The following MDGA2 variants were observed in gnomAD, a reference collection of about 807,000 sequenced individuals.
The protein encoded by MDGA2 is MAM domain-containing glycosylphosphatidylinositol anchor protein 2.
A neutral mutation model predicts 117.8 loss-of-function variants in MDGA2; 40 were observed. The observed-to-expected ratio is 0.34, with a 90% CI of 0.26 to 0.44. The LOEUF (loss-of-function observed/expected upper bound fraction) is 0.44. MDGA2 is among the 20% of genes least tolerant of loss of function. MDGA2 has a pLI of 1.00. For missense variants in MDGA2, 1,123 were observed against 1,250.6 expected, an observed-to-expected ratio of 0.90 and a Z score of 1.54; for synonymous variants, 452 against 439.0, an observed-to-expected ratio of 1.03 and a Z score of -0.37.
intron 1 of MDGA2, among the ~76,000 whole-genome samples, chr14:47,426,711 T>A (rs182570918): frequency 6.7e-6 from 1 of 148,402 alleles, no homozygotes; most frequent in Non-Finnish European, 1.5e-5. Context: ...TATATATATA[T>A]ACATATATGT....
intron 1 of MDGA2, among the ~76,000 whole-genome samples, chr14:47,503,243 T>A (rs1044195075): frequency 3.9e-5 from 6 of 151,974 alleles, no homozygotes; most frequent in African/African-American, 1.5e-4. Flanking sequence ...TATAGCTGGG[T>A]TCCATGTCCA....
chr14:46,930,054 TGTAA>T (rs1884507363), intron 9 of MDGA2, among the ~76,000 whole-genome samples: 1 of 152,022 alleles, frequency 6.6e-6, no homozygotes, highest in Non-Finnish European at 1.5e-5. Context: ...TCATTCCAAT[TGTAA>T]GTATTAATTT....
chr14:47,353,469 T>C (rs548317646), intron 1 of MDGA2, among the ~76,000 whole-genome samples: 1 of 152,310 alleles, frequency 6.6e-6, no homozygotes, highest in South Asian at 2.1e-4. Flanking sequence ...TTGTGTTCTC[T>C]CAAAATTTGT....
At chr14:46,899,078 G>A (rs1883187948) in intron 10 of MDGA2, among the ~76,000 whole-genome samples, 1 of 151,930 alleles carries the variant, frequency 6.6e-6, no homozygotes, top group East Asian at 1.9e-4. Context: ...GTCACAAACA[G>A]GAAATAGGTT....
chr14:47,107,068 C>T (rs1594628334), intron 5 of MDGA2, among the ~76,000 whole-genome samples: 1 of 132,160 alleles, frequency 7.6e-6, no homozygotes, highest in South Asian at 2.3e-4. Flanking sequence ...ATCCCCCCAC[C>T]TTAACCCACA....
Position 47,194,049 on chromosome 14 carries a change from A to C in MDGA2, c.595+23972T>G, listed in dbSNP as rs144851550. ...AGCACTATAACTCAAAGAGGTGTTT[A>C]AGAAATGTTTCCATGTATTTCCCAT... On this transcript the variant is annotated intron_variant, in intron 3 of 16. Transcript: ENST00000399232. 4.1e-3 allele frequency among the ~76,000 whole-genome samples: 629 copies of C among 152,304 alleles called. 4 individuals carry two copies. Among genetic ancestry groups the C allele is most frequent in the African/African-American group, 0.014 (592 of 41,576 alleles).
intron 1 of MDGA2, 29 bp from the exon 2 acceptor site, chr14:47,301,579 A>C: frequency 6.4e-7 from 1 of 1,551,154 alleles, no homozygotes; most frequent in Non-Finnish European, 8.7e-7. Context: ...GAGAGACAAG[A>C]TACATGAAAA....
At chr14:47,403,369 T>A (rs942170231) in intron 1 of MDGA2, among the ~76,000 whole-genome samples, 3 of 152,200 alleles carry the variant, frequency 2.0e-5, no homozygotes, top group Non-Finnish European at 2.9e-5. Context: ...GTCCATTCCT[T>A]ATCAGTCTTC....
chr14:46,958,204 A>G (rs534849789), intron 8 of MDGA2, among the ~76,000 whole-genome samples: 1 of 152,298 alleles, frequency 6.6e-6, no homozygotes, highest in South Asian at 2.1e-4. Flanking sequence ...TGTGTCTTCC[A>G]GAATGTATAG....
chr14:47,615,842 T>C (rs1449870633), intron 1 of MDGA2, among the ~76,000 whole-genome samples: 4 of 152,132 alleles, frequency 2.6e-5, no homozygotes, highest in African/African-American at 9.7e-5. Context: ...GGATGCCTGA[T>C]ACTGACCCCA....
In MDGA2 at chr14:47,412,053, T is replaced by A. The variant is rs571695227; in HGVS notation, c.281-110503A>T. On this transcript the variant is annotated intron_variant, in intron 1 of 16. Coordinates refer to ENST00000399232, the MANE Select transcript of MDGA2 (RefSeq NM_001113498.3). ...AACCCAGTGAAGTCTAGCACCCATT[T>A]AGTTTGGTAATATTTTTTGGAAAGA... is the stretch of plus-strand genomic sequence containing the variant. 1.8e-4 allele frequency among the ~76,000 whole-genome samples: 27 copies of A among 152,324 alleles called. 1 individual carries two copies. The South Asian group carries it at 5.6e-3, about 32-fold the overall frequency.
intron 1 of MDGA2, among the ~76,000 whole-genome samples, chr14:47,647,438 A>T (rs1335539325): frequency 6.6e-6 from 1 of 152,132 alleles, no homozygotes; most frequent in Admixed American, 6.5e-5. Flanking sequence ...AGGCAAAAAA[A>T]AAATGATAAT....
At chr14:47,128,840 G>A (rs111592835) in intron 5 of MDGA2, among the ~76,000 whole-genome samples, 17,053 of 151,288 alleles carry the variant, frequency 0.11, 1,089 homozygotes, top group Admixed American at 0.12. Context: ...GACTACAGTC[G>A]CCTGCCACCA....
intron 7 of MDGA2, among the ~76,000 whole-genome samples, chr14:47,046,972 T>C (rs575503821): frequency 1.1e-4 from 16 of 152,298 alleles, no homozygotes; most frequent in African/African-American, 3.6e-4. Flanking sequence ...TTACAATTTG[T>C]ACCCAATGTT....
intron 1 of MDGA2, among the ~76,000 whole-genome samples, chr14:47,315,218 A>T (rs933948049): frequency 1.3e-5 from 2 of 152,142 alleles, no homozygotes; most frequent in African/African-American, 4.8e-5. Context: ...CTTAATCCAG[A>T]TGGATAAAGG....
chr14:47,475,839 C>G (rs1169391056), intron 1 of MDGA2, among the ~76,000 whole-genome samples: 1 of 151,756 alleles, frequency 6.6e-6, no homozygotes, highest in Non-Finnish European at 1.5e-5. Flanking sequence ...GATCGGGGAG[C>G]ATCAGAAAGA....
At chr14:46,941,141 G>C (rs2138581209) in intron 9 of MDGA2, among the ~76,000 whole-genome samples, 1 of 152,270 alleles carries the variant, frequency 6.6e-6, no homozygotes, top group South Asian at 2.1e-4. Context: ...GACTGGATCT[G>C]ACTGCAAAGC....
At chr14:47,258,073 G>A (rs1887680977) in intron 2 of MDGA2, among the ~76,000 whole-genome samples, 1 of 152,016 alleles carries the variant, frequency 6.6e-6, no homozygotes, top group South Asian at 2.1e-4. Context: ...TTCTTTAATA[G>A]AAATGCTATG....
chr14:47,454,584 C>A (rs1033401208), intron 1 of MDGA2, among the ~76,000 whole-genome samples: 2 of 152,156 alleles, frequency 1.3e-5, no homozygotes, highest in African/African-American at 4.8e-5. Flanking sequence ...ATAGTTTTCA[C>A]ATTCTGTAAG....
Sources: allele counts gnomAD v4.1 joint callset (sites outside exome capture counted in the v4.1 genomes callset), GRCh38; gene constraint gnomAD v4.1.1; transcripts MANE v1.5; gene names NCBI Gene and HGNC (gene_info 2026-07-23, HGNC 2026-07-21).